Variants in RIPOR3 observed in about 807,000 individuals in gnomAD.
The protein encoded by RIPOR3 is family with sequence similarity 65 member C.
A neutral mutation model predicts 114.3 loss-of-function variants in RIPOR3; 95 were observed. The ratio of observed to expected loss-of-function variants is 0.83; its 90% CI spans 0.70 to 0.99. The LOEUF is 0.99. RIPOR3 is among the 50% of genes least tolerant of loss of function. The pLI, the probability that RIPOR3 is intolerant of heterozygous loss-of-function variation, is 0.00. For synonymous variants in RIPOR3, 575 were observed against 543.8 expected (o/e 1.06, Z -0.80); for missense variants, 1,252 against 1,266.9 (o/e 0.99, Z 0.18).
chr20:50,683,718 A>C (rs2123622130), intron 1 of RIPOR3, among the ~76,000 whole-genome samples: 1 of 151,632 alleles, frequency 6.6e-6, no homozygotes, highest in Admixed American at 6.6e-5. Flanking sequence ...CGGCCTCCCA[A>C]AGTACTGGGA....
intron 1 of RIPOR3, among the ~76,000 whole-genome samples, chr20:50,634,942 A>C (rs2084934796): frequency 6.6e-6 from 1 of 152,220 alleles, no homozygotes; most frequent in African/African-American, 2.4e-5. Context: ...CTGAGGCAGG[A>C]GAATCACCTG....
At chr20:50,666,117 G>A (rs1280948662) in intron 1 of RIPOR3, among the ~76,000 whole-genome samples, 1 of 148,378 alleles carries the variant, frequency 6.7e-6, no homozygotes, top group Non-Finnish European at 1.5e-5. Flanking sequence ...AACATCTAGG[G>A]CCTTATATAC....
At chr20:50,615,289 C>T (rs1048753286) in intron 4 of RIPOR3, among the ~76,000 whole-genome samples, 15 of 151,650 alleles carry the variant, frequency 9.9e-5, no homozygotes, top group African/African-American at 2.9e-4. Flanking sequence ...TTTGGGAGGC[C>T]GACACAGGAG....
chr20:50,630,645 C>T (rs1484833427), intron 2 of RIPOR3, 93 bp downstream of exon 2: 5 of 1,111,586 alleles, frequency 4.5e-6, no homozygotes, highest in Non-Finnish European at 6.5e-6. Flanking sequence ...GCCTTCGGGT[C>T]TCTGGCAGCA....
chr20:50,594,994 C>T (rs1431527048), intron 16 of RIPOR3: 1 of 502,982 alleles, frequency 2.0e-6, no homozygotes, highest in Non-Finnish European at 3.6e-6. Flanking sequence ...AGGGGAGGTC[C>T]CACGGGGCAG....
chr20:50,640,455 CAAACA>C (rs1367348995), intron 1 of RIPOR3, among the ~76,000 whole-genome samples: 3 of 148,326 alleles, frequency 2.0e-5, no homozygotes, highest in African/African-American at 7.6e-5. Flanking sequence ...CAAAAACACA[CAAACA>C]AAAGACGCCT....
At chr20:50,656,161 C>T (rs886192759) in intron 1 of RIPOR3, among the ~76,000 whole-genome samples, 6 of 152,064 alleles carry the variant, frequency 3.9e-5, no homozygotes, top group African/African-American at 1.4e-4. Flanking sequence ...GCCCGCATCA[C>T]CATGCCCGGC....
intron 13 of RIPOR3, 75 bp downstream of exon 13, chr20:50,601,997 G>T: frequency 1.5e-6 from 2 of 1,371,776 alleles, no homozygotes; most frequent in Non-Finnish European, 1.9e-6. Context: ...AGGCTGCGTG[G>T]CCCCAGAGCC....
chr20:50,653,235 G>C (rs554606985), intron 1 of RIPOR3: 1 of 152,214 alleles, frequency 6.6e-6, no homozygotes, highest in East Asian at 1.9e-4. Flanking sequence ...ATGGCTCCAC[G>C]GACAAGCAAG....
At chr20:50,637,360 C>G (rs182435355) in intron 1 of RIPOR3, among the ~76,000 whole-genome samples, 131 of 152,196 alleles carry the variant, frequency 8.6e-4, no homozygotes, top group Middle Eastern at 6.8e-3. Flanking sequence ...CAGGTCTTCC[C>G]TATCACTCTC....
chr20:50,609,814 C>T (rs1265943531), intron 6 of RIPOR3, 92 bp from the exon 7 acceptor site: 2 of 1,337,254 alleles, frequency 1.5e-6, no homozygotes, highest in Non-Finnish European at 1.9e-6. Flanking sequence ...AGAGGCCCTC[C>T]CTGAGCTAAG....
At chr20:50,587,779 G>A in intron 21 of RIPOR3, 23 bp downstream of exon 21, 2 of 1,612,926 alleles carry the variant, frequency 1.2e-6, no homozygotes, top group Non-Finnish European at 1.7e-6. Flanking sequence ...CCGCTGCGCT[G>A]CACAGTTTGT....
chr20:50,620,845 C>G, intron 2 of RIPOR3: 1 of 816,528 alleles, frequency 1.2e-6, no homozygotes, highest in Non-Finnish European at 2.1e-6. Flanking sequence ...ACAGCCGCTG[C>G]AGTGGGTGTC....
At chr20:50,686,758 A>G (rs1335275730) in intron 1 of RIPOR3, among the ~76,000 whole-genome samples, 1 of 151,548 alleles carries the variant, frequency 6.6e-6, no homozygotes, top group Non-Finnish European at 1.5e-5. Flanking sequence ...TAAAAAAAAA[A>G]AAAAGAAAGA....
rs141659917 is a variant in RIPOR3 at position 50,604,625 on chromosome 20, C to T, written c.1086+20G>A. 479 of 1,598,940 alleles carry T rather than the reference C, an allele frequency of 3.0e-4. 9 individuals carry two copies. In the East Asian group the frequency reaches 0.011, roughly 36 times the overall value. The stretch of plus-strand genomic sequence containing the variant: ...TCCCAGGGTGACCACAGCGGCCCTG[C>T]CCCGGGAAGGCTCACTCACCAGGTA... On this transcript the variant is annotated intron_variant, in intron 12 of 21. Coordinates refer to ENST00000327979, the MANE Select transcript of RIPOR3 (RefSeq NM_001290268.2).
intron 1 of RIPOR3, among the ~76,000 whole-genome samples, chr20:50,666,238 T>G (rs888235661): frequency 7.4e-6 from 1 of 135,696 alleles, no homozygotes; most frequent in Non-Finnish European, 1.6e-5. Flanking sequence ...TGAGACGGAG[T>G]CACGCTCTGT....
chr20:50,666,591 G>A (rs778789583), intron 1 of RIPOR3, among the ~76,000 whole-genome samples: 87 of 151,046 alleles, frequency 5.8e-4, no homozygotes, highest in Non-Finnish European at 1.1e-3. Context: ...TTGAGACGGC[G>A]TCTCACTCTG....
At chr20:50,650,021 T>C (rs1289888664) in intron 1 of RIPOR3, among the ~76,000 whole-genome samples, 1 of 152,002 alleles carries the variant, frequency 6.6e-6, no homozygotes, top group Non-Finnish European at 1.5e-5. Flanking sequence ...CATAAGCTGG[T>C]GGGTCGGGGA....
intron 1 of RIPOR3, among the ~76,000 whole-genome samples, chr20:50,656,598 C>T (rs912979905): frequency 6.6e-6 from 1 of 151,940 alleles, no homozygotes; most frequent in African/African-American, 2.4e-5. Flanking sequence ...TGTCTGTGCT[C>T]AAATGATCCT....
Sources: allele counts gnomAD v4.1 joint callset (sites outside exome capture counted in the v4.1 genomes callset), GRCh38; gene constraint gnomAD v4.1.1; transcripts MANE v1.5; gene names NCBI Gene and HGNC (gene_info 2026-07-23, HGNC 2026-07-21).